The following ANK3 variants were observed in gnomAD, a reference collection of about 807,000 sequenced individuals.
The protein encoded by ANK3 is ankyrin-3.
In ANK3, 57 loss-of-function variants were observed where a neutral mutation model predicts 370.9. The observed-to-expected ratio is 0.15, with a 90% CI of 0.12 to 0.19. The LOEUF (loss-of-function observed/expected upper bound fraction) is 0.19, where lower values mean the gene tolerates loss of function less well. Among genes scored for constraint, ANK3 ranks in the 10% least tolerant of loss-of-function variants. The pLI is 1.00. For missense variants in ANK3, 4,439 were observed against 5,302.1 expected (o/e 0.84, Z 5.06); for synonymous variants, 1,929 against 1,946.3 (o/e 0.99, Z 0.23).
chr10:60,211,769 C>T (rs2096857739), intron 9 of ANK3, among the ~76,000 whole-genome samples: 1 of 151,408 alleles, frequency 6.6e-6, no homozygotes, highest in Admixed American at 6.6e-5. Context: ...ATTAAAGAGC[C>T]CCTCTTAACC....
chr10:60,248,361 T>C (rs1167522305), intron 7 of ANK3, among the ~76,000 whole-genome samples: 1 of 152,208 alleles, frequency 6.6e-6, no homozygotes, highest in Non-Finnish European at 1.5e-5. Context: ...TTTTTGATAG[T>C]AGCCATTTTA....
chr10:60,145,976 G>A (rs753914355), intron 23 of ANK3: 38 of 948,120 alleles, frequency 4.0e-5, no homozygotes, highest in Admixed American at 8.0e-5. Context: ...ACTTTTCACC[G>A]TAAACTCTTG....
intron 2 of ANK3, among the ~76,000 whole-genome samples, chr10:60,598,924 G>A (rs1001962354): frequency 6.6e-6 from 1 of 152,148 alleles, no homozygotes; most frequent in African/African-American, 2.4e-5. Flanking sequence ...GTAGTTATTT[G>A]TGTTGTTGTT....
chr10:60,580,902 G>A (rs1269487973), intron 2 of ANK3, among the ~76,000 whole-genome samples: 4 of 152,188 alleles, frequency 2.6e-5, no homozygotes, highest in Admixed American at 6.5e-5. Flanking sequence ...CTATAAGGGA[G>A]AAGACAGAGT....
At chr10:60,062,627 T>G (rs1244027002) in intron 40 of ANK3, 1 of 152,286 alleles carries the variant, frequency 6.6e-6, no homozygotes, top group East Asian at 1.9e-4. Context: ...ATTTTTTCAG[T>G]GCACATTTAA....
intron 1 of ANK3, among the ~76,000 whole-genome samples, chr10:60,371,703 T>C (rs1161867988): frequency 6.6e-6 from 1 of 152,216 alleles, no homozygotes; most frequent in East Asian, 1.9e-4. Flanking sequence ...AGAAGCCAAC[T>C]GTTTATTAAA....
At chr10:60,682,784 T>A (rs2079213947) in intron 1 of ANK3, among the ~76,000 whole-genome samples, 1 of 152,218 alleles carries the variant, frequency 6.6e-6, no homozygotes, top group African/African-American at 2.4e-5. Context: ...GTGTGTCCCA[T>A]ACCTGGCCCT....
chr10:60,223,502 A>C (rs977746834), intron 8 of ANK3, among the ~76,000 whole-genome samples: 1 of 152,248 alleles, frequency 6.6e-6, no homozygotes, highest in African/African-American at 2.4e-5. Flanking sequence ...GGGATAAATG[A>C]ATCTTACAGA....
intron 7 of ANK3, among the ~76,000 whole-genome samples, chr10:60,246,470 T>A (rs1242657697): frequency 6.6e-6 from 1 of 152,206 alleles, no homozygotes; most frequent in Non-Finnish European, 1.5e-5. Flanking sequence ...AAGTCCATAC[T>A]GGATTTGCTG....
intron 1 of ANK3, among the ~76,000 whole-genome samples, chr10:60,683,053 T>C (rs2079217664): frequency 6.6e-6 from 1 of 151,988 alleles, no homozygotes; most frequent in Non-Finnish European, 1.5e-5. Flanking sequence ...GTAGACAGTG[T>C]CAGAACTGAA....
At chr10:60,722,392 T>C (rs553129943) in intron 1 of ANK3, among the ~76,000 whole-genome samples, 182 of 152,066 alleles carry the variant, frequency 1.2e-3, no homozygotes, top group African/African-American at 4.1e-3. Context: ...TGTAGTGAGC[T>C]ATGATCGCAC....
At chr10:60,675,325 T>C (rs74155668) in intron 1 of ANK3, among the ~76,000 whole-genome samples, 1,786 of 152,222 alleles carry the variant, frequency 0.012, 32 homozygotes, top group African/African-American at 0.04. Flanking sequence ...GGATTCAGGG[T>C]TTGAGGTCAT....
intron 2 of ANK3, among the ~76,000 whole-genome samples, chr10:60,544,351 G>A (rs968850908): frequency 6.6e-6 from 1 of 152,088 alleles, no homozygotes; most frequent in African/African-American, 2.4e-5. Flanking sequence ...TGGTCTCTGG[G>A]AAGTAAAGAA....
Position 60,315,266 on chromosome 10 carries a change from T to C in ANK3, c.115-35627A>G, listed in dbSNP as rs563235332. ...AGAATGGATTCCCAACTTGACATTGTTTTTATATTTCCTAGAATATTAGGT... is the reference window on the plus strand; with the variant it reads ...AGAATGGATTCCCAACTTGACATTGCTTTTATATTTCCTAGAATATTAGGT... On this transcript the variant is annotated intron_variant, in intron 1 of 43. Transcript: ENST00000280772. Among the ~76,000 whole-genome samples, 17 of 152,294 alleles carry C rather than the reference T, an allele frequency of 1.1e-4. No homozygotes were observed. In the East Asian group the frequency reaches 3.3e-3, roughly 29 times the overall value.
At chr10:60,210,511 A>G (rs1270258606) in intron 9 of ANK3, among the ~76,000 whole-genome samples, 1 of 152,170 alleles carries the variant, frequency 6.6e-6, no homozygotes, top group African/African-American at 2.4e-5. Flanking sequence ...AAGGAGCAAA[A>G]CCGGAGGAGA....
At chr10:60,046,382 G>A (rs1226990825) in intron 42 of ANK3, among the ~76,000 whole-genome samples, 1 of 152,158 alleles carries the variant, frequency 6.6e-6, no homozygotes, top group Non-Finnish European at 1.5e-5. Flanking sequence ...TTGAGTGATA[G>A]ACAATTAAAG....
At chr10:60,422,904 C>A (rs1490988168) in intron 2 of ANK3, among the ~76,000 whole-genome samples, 1 of 152,038 alleles carries the variant, frequency 6.6e-6, no homozygotes, top group African/African-American at 2.4e-5. Flanking sequence ...AAACAGAGTA[C>A]ATGTTACCAA....
Position 60,134,317 on chromosome 10 carries a change from C to T in ANK3, c.2795G>A (p.Arg932Gln), listed in dbSNP as rs749695771. Residue 932 changes from arginine (R) to glutamine (Q), a missense_variant, in exon 25 of 44, where the codon CGG becomes CAG. Arg to Gln is a conservative substitution (Grantham distance 43). This residue lies in a region of ANK3 where 702 missense variants were observed against 941.5 expected (regional missense o/e 0.75). Transcript: ENST00000280772. ...GAGTTCTTCAATCATCATGCTGTCCCGTGCATAGGAGCTTCTGTTCAAGGT... is the reference window on the plus strand; with the variant it reads ...GAGTTCTTCAATCATCATGCTGTCCTGTGCATAGGAGCTTCTGTTCAAGGT... ...SYTLNRSSYA[R>Q]DSMMIEELLV... 7.4e-6 allele frequency: 12 copies of T among 1,613,880 alleles called. No individual in the cohort carries two copies. The highest frequency in any genetic ancestry group is 2.2e-5 in the South Asian group (2 of 91,072).
Position 60,564,300 on chromosome 10 carries a change from T to C in ANK3, c.96+50886A>G, listed in dbSNP as rs2077408146. Among the ~76,000 whole-genome samples, 4 of 152,220 alleles carry C rather than the reference T, an allele frequency of 2.6e-5. No individual in the cohort carries two copies. The South Asian group carries it at 6.2e-4, about 24-fold the overall frequency. ...AAAAGGATTAACATGCCTCTTGATA[T>C]GGAGTGTATCATTAGAAGAAACAAT... On this transcript the variant is annotated intron_variant, in intron 2 of 43. Coordinates refer to the ANK3 transcript ENST00000373827.
Sources: allele counts gnomAD v4.1 joint callset (sites outside exome capture counted in the v4.1 genomes callset), GRCh38; gene constraint gnomAD v4.1.1; regional missense constraint gnomAD v4.1.1; transcripts MANE v1.5; gene names NCBI Gene and HGNC (gene_info 2026-07-23, HGNC 2026-07-21).